The following GMDS variants were observed in gnomAD, a reference collection of about 807,000 sequenced individuals.
GMDS encodes the protein GDP-mannose 4,6-dehydratase, also known as GDP-mannose 4,6 dehydratase.
A neutral mutation model predicts 49.9 loss-of-function variants in GMDS; 20 were observed. The observed-to-expected ratio is 0.40, with a 90% confidence interval of 0.28 to 0.58. The LOEUF (loss-of-function observed/expected upper bound fraction) is 0.58. Among genes scored for constraint, GMDS ranks in the 20% least tolerant of loss-of-function variants. The pLI is 0.42. For missense variants in GMDS, 362 were observed against 481.4 expected (o/e 0.75, Z 2.32); for synonymous variants, 177 against 178.6 (o/e 0.99, Z 0.07).
At chr6:1,638,324 T>C (rs555376290) in intron 9 of GMDS, among the ~76,000 whole-genome samples, 1 of 152,324 alleles carries the variant, frequency 6.6e-6, no homozygotes, top group South Asian at 2.1e-4. Context: ...TGGAGATGAA[T>C]GGTTTCACAG....
At chr6:2,245,240 G>A (rs1781808550) in intron 1 of GMDS, 81 bp downstream of exon 1, 1 of 977,244 alleles carries the variant, frequency 1.0e-6, no homozygotes, top group Non-Finnish European at 1.6e-6. Context: ...TGGAGAGACC[G>A]CAGCCCACGA....
At chr6:1,733,771 G>A (rs543252517) in intron 8 of GMDS, among the ~76,000 whole-genome samples, 5 of 152,134 alleles carry the variant, frequency 3.3e-5, no homozygotes, top group African/African-American at 1.2e-4. Flanking sequence ...AGGATTGCTT[G>A]AACCTGGGGG....
intron 9 of GMDS, among the ~76,000 whole-genome samples, chr6:1,628,735 C>A (rs1762912651): frequency 1.3e-5 from 2 of 151,900 alleles, no homozygotes; most frequent in African/African-American, 4.8e-5. Context: ...CTCTTGATGC[C>A]CTAAATAGGA....
chr6:1,688,342 C>T (rs1234371599), intron 9 of GMDS, among the ~76,000 whole-genome samples: 2 of 152,214 alleles, frequency 1.3e-5, no homozygotes, highest in South Asian at 4.1e-4. Flanking sequence ...CACAGATGAA[C>T]GACGGCTCGT....
chr6:1,980,192 A>G (rs1765139707), intron 4 of GMDS, among the ~76,000 whole-genome samples: 1 of 152,162 alleles, frequency 6.6e-6, no homozygotes, highest in Non-Finnish European at 1.5e-5. Context: ...CACACATAAC[A>G]ATACTAACCT....
intron 9 of GMDS, among the ~76,000 whole-genome samples, chr6:1,694,303 C>G (rs1435482063): frequency 6.6e-6 from 1 of 152,098 alleles, no homozygotes. Flanking sequence ...TCAATTTTAG[C>G]ATTGTTAAAA....
At chr6:2,202,436 T>TGA in intron 1 of GMDS, among the ~76,000 whole-genome samples, 1 of 28,806 alleles carries the variant, frequency 3.5e-5, no homozygotes, top group Admixed American at 6.1e-4. Flanking sequence ...TTTCTTTCTA[T>TGA]TTTTTTTTTT....
At chr6:2,236,634 G>A (rs1452036633) in intron 1 of GMDS, among the ~76,000 whole-genome samples, 2 of 152,050 alleles carry the variant, frequency 1.3e-5, no homozygotes, top group Non-Finnish European at 2.9e-5. Context: ...TTAAAGAACC[G>A]ATGTAAAAAT....
At position 1,794,913 on chromosome 6, in the gene GMDS, C is replaced by T. The variant is rs548451644; in HGVS notation, c.772-52327G>A. Among the ~76,000 whole-genome samples the T allele has an allele frequency of 1.6e-4, 24 of 149,804 alleles. No individual in the cohort carries two copies. The South Asian group carries it at 2.8e-3, about 17-fold the overall frequency. On this transcript the variant is annotated intron_variant, in intron 7 of 10. Transcript: ENST00000380815. ...CTAAAATGAGGCTGGGGTCAAGGTG[C>T]GGTGGCTCACCCCTGTAATCCCAGC... is the stretch of plus-strand genomic sequence containing the variant.
At chr6:1,644,181 C>T (rs1763418024) in intron 9 of GMDS, among the ~76,000 whole-genome samples, 1 of 152,240 alleles carries the variant, frequency 6.6e-6, no homozygotes, top group South Asian at 2.1e-4. Context: ...ATCCACTCTT[C>T]CTCCAGGGAC....
In GMDS at chr6:1,724,788, C is replaced by T. The variant is rs146879904; in HGVS notation, c.987+1628G>A. Reference sequence around the variant, plus strand: ...CACAGCGTGGCTGGCATCTTCCTCCCTGAGGGCCAGTACACATCCTCTCCT... The same window carrying T: ...CACAGCGTGGCTGGCATCTTCCTCCTTGAGGGCCAGTACACATCCTCTCCT... On this transcript the variant is annotated intron_variant, in intron 9 of 10. Transcript: ENST00000380815. 4.3e-4 allele frequency among the ~76,000 whole-genome samples: 65 copies of T among 152,326 alleles called. 1 individual carries two copies. In the East Asian group the frequency reaches 0.012, roughly 29 times the overall value.
intron 4 of GMDS, among the ~76,000 whole-genome samples, chr6:2,072,041 G>C (rs888280138): frequency 6.6e-6 from 1 of 152,258 alleles, no homozygotes; most frequent in Admixed American, 6.5e-5. Context: ...TGAGTAAGAG[G>C]GTTCTTGCCA....
chr6:2,046,182 C>T (rs1464081804), intron 4 of GMDS, among the ~76,000 whole-genome samples: 2 of 152,146 alleles, frequency 1.3e-5, no homozygotes, highest in South Asian at 2.1e-4. Flanking sequence ...CACTGCACTC[C>T]AGCCTGGGCA....
At chr6:1,942,924 C>T (rs1382426635) in intron 6 of GMDS, among the ~76,000 whole-genome samples, 3 of 152,264 alleles carry the variant, frequency 2.0e-5, no homozygotes, top group African/African-American at 4.8e-5. Context: ...ATTTTCTTTA[C>T]TGGATTGCTG....
At chr6:2,154,863 C>CAAAAAAAAAAAAAAAAA (rs70992124) in intron 1 of GMDS, among the ~76,000 whole-genome samples, 24 of 65,614 alleles carry the variant, frequency 3.7e-4, no homozygotes, top group Non-Finnish European at 5.0e-4. Context: ...TGAAGAGATG[C>CAAAAAAAAAAAAAAAAA]AAAAAAAAAA....
At chr6:1,975,074 C>G (rs538381635) in intron 4 of GMDS, among the ~76,000 whole-genome samples, 44 of 151,800 alleles carry the variant, frequency 2.9e-4, no homozygotes, top group Non-Finnish European at 5.2e-4. Context: ...AACCAATGGT[C>G]ACACTGCAGA....
At chr6:1,978,275 C>T (rs868415725) in intron 4 of GMDS, among the ~76,000 whole-genome samples, 1 of 152,126 alleles carries the variant, frequency 6.6e-6, no homozygotes, top group South Asian at 2.1e-4. Context: ...CCTCACTGGA[C>T]GGGACCTACC....
chr6:1,804,717 CA>C (rs1171083179), intron 7 of GMDS, among the ~76,000 whole-genome samples: 4 of 152,074 alleles, frequency 2.6e-5, no homozygotes, highest in African/African-American at 9.7e-5. Context: ...GAATCCTTAT[CA>C]ATAGGTTTTT....
intron 6 of GMDS, among the ~76,000 whole-genome samples, chr6:1,937,867 A>T (rs1321910214): frequency 2.0e-5 from 3 of 152,200 alleles, no homozygotes; most frequent in Non-Finnish European, 4.4e-5. Context: ...ACCCACTATA[A>T]GAACGAAGGT....
Sources: allele counts gnomAD v4.1 joint callset (sites outside exome capture counted in the v4.1 genomes callset), GRCh38; gene constraint gnomAD v4.1.1; transcripts MANE v1.5; gene names NCBI Gene and HGNC (gene_info 2026-07-23, HGNC 2026-07-21).